ZFR: variants seen among roughly 807,000 people sequenced by gnomAD.
ZFR encodes the protein zinc finger RNA-binding protein.
In ZFR, 19 loss-of-function variants were observed where a neutral mutation model predicts 130.7. The ratio of observed to expected loss-of-function variants is 0.15; its 90% CI spans 0.10 to 0.21. ZFR has a LOEUF of 0.21. Among genes scored for constraint, ZFR ranks in the 10% least tolerant of loss-of-function variants. ZFR has a pLI of 1.00. For synonymous variants in ZFR, 466 were observed against 456.9 expected, an observed-to-expected ratio of 1.02 and a Z score of -0.25; for missense variants, 872 against 1,321.5, an observed-to-expected ratio of 0.66 and a Z score of 5.27.
chr5:32,425,209 G>A (rs562580551), intron 2 of ZFR, among the ~76,000 whole-genome samples: 98 of 152,324 alleles, frequency 6.4e-4, no homozygotes, highest in African/African-American at 2.3e-3. Flanking sequence ...ATGCTTTAAA[G>A]GTCTCTGGGG....
chr5:32,379,029 CTGATAATTACA>C (rs1325558614), intron 17 of ZFR, 75 bp downstream of exon 17: 1 of 987,672 alleles, frequency 1.0e-6, no homozygotes, highest in Non-Finnish European at 1.5e-6. Flanking sequence ...GCAAATAAGG[CTGATAATTACA>C]TGTAAACTGA....
intron 19 of ZFR, among the ~76,000 whole-genome samples, chr5:32,363,656 C>A (rs1354652354): frequency 6.6e-6 from 1 of 152,158 alleles, no homozygotes; most frequent in Non-Finnish European, 1.5e-5. Context: ...GATCTTGATA[C>A]ATAACCTATT....
At chr5:32,401,598 A>C (rs777466390) in intron 8 of ZFR, among the ~76,000 whole-genome samples, 4 of 152,234 alleles carry the variant, frequency 2.6e-5, no homozygotes, top group Non-Finnish European at 5.9e-5. Context: ...CACAGGTAGC[A>C]TGGATGAGTT....
intron 19 of ZFR, among the ~76,000 whole-genome samples, chr5:32,361,378 C>T (rs570106507): frequency 6.6e-6 from 1 of 152,286 alleles, no homozygotes; most frequent in Admixed American, 6.5e-5. Context: ...TTTGCCAGTA[C>T]CGTTTCTCTA....
At chr5:32,415,532 G>GCGCGCA (rs1561908653) in intron 4 of ZFR, among the ~76,000 whole-genome samples, 5 of 150,788 alleles carry the variant, frequency 3.3e-5, no homozygotes, top group Non-Finnish European at 5.9e-5. Flanking sequence ...GCGCGCGCGC[G>GCGCGCA]CACTAGTCAG....
chr5:32,375,667 G>A (rs367583502), intron 17 of ZFR, among the ~76,000 whole-genome samples: 7 of 151,658 alleles, frequency 4.6e-5, no homozygotes, highest in Non-Finnish European at 7.4e-5. Context: ...CCACCATGCC[G>A]GGCTAATTTT....
rs201345321 is a variant in ZFR, at chr5:32,372,834, C to CA, written c.2835+6280dup. 7.9e-3 allele frequency among the ~76,000 whole-genome samples: 1,194 copies of CA among 151,054 alleles called. 17 individuals carry two copies. Among genetic ancestry groups the CA allele is most frequent in the African/African-American group, 0.027 (1,126 of 41,092 alleles). On this transcript the variant is annotated intron_variant, in intron 17 of 19. Coordinates refer to ENST00000265069, the MANE Select transcript of ZFR (RefSeq NM_016107.5). Reference sequence around the variant, plus strand: ...TGGGCGACACAGCAAGACTTGGTCTCAAAAAAACAAACAAAACAAACAAAA... The same window carrying CA: ...TGGGCGACACAGCAAGACTTGGTCTCAAAAAAAACAAACAAAACAAACAAAA...
intron 5 of ZFR, among the ~76,000 whole-genome samples, chr5:32,407,325 T>C (rs1186834838): frequency 6.6e-6 from 1 of 151,516 alleles, no homozygotes; most frequent in Non-Finnish European, 1.5e-5. Context: ...CAAACTTGTC[T>C]GTTTATAGAA....
At chr5:32,380,037 A>G in intron 16 of ZFR, 38 bp downstream of exon 16, 1 of 1,568,110 alleles carries the variant, frequency 6.4e-7, no homozygotes, top group South Asian at 1.1e-5. Flanking sequence ...TACTTCTCTC[A>G]TAAGGCTACA....
chr5:32,363,498 T>C (rs1244579374), intron 19 of ZFR, among the ~76,000 whole-genome samples: 2 of 152,178 alleles, frequency 1.3e-5, no homozygotes, highest in Admixed American at 1.3e-4. Context: ...GCAGAGTTGG[T>C]AGTCAAATCC....
Position 32,403,306 on chromosome 5 carries a change from G to A in ZFR, c.1316C>T (p.Ala439Val), listed in dbSNP as rs1753510081. ...TGAAGGAGAGGCAGTCGGCTTTGAA[G>A]CAGATACAGCTGTTGAAGAAGTAGC... ...SQATSSTAVS[A>V]SKPTASPSSI... Residue 439 changes from alanine to valine, a missense_variant, in exon 8 of 20, where the codon GCT becomes GTT. Physicochemically the swap from Ala to Val is moderately conservative, Grantham distance 64 (BLOSUM62 0). Coordinates refer to ENST00000265069, the MANE Select transcript of ZFR (RefSeq NM_016107.5). 3 of 1,614,118 alleles carry A rather than the reference G, an allele frequency of 1.9e-6. No homozygotes were observed. The highest frequency in any genetic ancestry group is 3.3e-5 in the Admixed American group (2 of 60,014).
Position 32,364,210 on chromosome 5 carries a change from T to C in ZFR, c.2901A>G (p.Ala967=), listed in dbSNP as rs977691424. 3 of 1,612,958 alleles carry C rather than the reference T, an allele frequency of 1.9e-6. No individual in the cohort carries two copies. In the African/African-American group the frequency reaches 4.0e-5, roughly 22 times the overall value. The change falls in exon 18 of 20, where the codon GCA becomes GCG. Residue 967 remains alanine (A), a synonymous_variant. Transcript: ENST00000265069. ...SASSPQSPGD[A]LRRVFECISS... ...AAATGCATTCAAAAACTCTTCTCAG[T>C]GCATCCCCAGGGCTCTGAGGGCTAG...
chr5:32,396,850 T>C (rs140619204), intron 10 of ZFR, among the ~76,000 whole-genome samples: 8 of 152,298 alleles, frequency 5.3e-5, no homozygotes, highest in African/African-American at 9.6e-5. Context: ...TTCCAACATA[T>C]CAACTCATCT....
intron 17 of ZFR, among the ~76,000 whole-genome samples, chr5:32,373,834 A>T (rs1443277092): frequency 6.6e-6 from 1 of 152,222 alleles, no homozygotes; most frequent in Non-Finnish European, 1.5e-5. Context: ...AAGATCAGCC[A>T]GCAGCTTTTT....
At chr5:32,367,587 T>A (rs1752575684) in intron 17 of ZFR, among the ~76,000 whole-genome samples, 1 of 152,130 alleles carries the variant, frequency 6.6e-6, no homozygotes, top group Non-Finnish European at 1.5e-5. Flanking sequence ...GGCTAATTTT[T>A]ATTTTTAGTA....
chr5:32,412,588 T>C (rs1409262576), intron 5 of ZFR, among the ~76,000 whole-genome samples: 2 of 152,262 alleles, frequency 1.3e-5, no homozygotes, highest in Non-Finnish European at 2.9e-5. Flanking sequence ...TGGACAAATT[T>C]ATGTATTAGA....
At chr5:32,431,426 C>G (rs1333870223) in intron 2 of ZFR, among the ~76,000 whole-genome samples, 1 of 152,140 alleles carries the variant, frequency 6.6e-6, no homozygotes, top group Non-Finnish European at 1.5e-5. Flanking sequence ...AGAGGAACCA[C>G]TACCAGGTGG....
intron 19 of ZFR, among the ~76,000 whole-genome samples, chr5:32,358,406 A>AT (rs1752359118): frequency 6.6e-6 from 1 of 152,164 alleles, no homozygotes; most frequent in Non-Finnish European, 1.5e-5. Flanking sequence ...CAAGCCTGTA[A>AT]TCCTAGCACT....
rs1441100877 is a variant in ZFR, at chr5:32,354,785, A to T, written c.*975T>A. ...CACACCAATAAGGAACTGTCACCAT[A>T]ATTAAGGGCTAGTTACTGTTGTTAG... On this transcript the variant is annotated 3_prime_UTR_variant, in exon 20 of 20. Coordinates refer to ENST00000265069, the MANE Select transcript of ZFR (RefSeq NM_016107.5). 3.3e-5 allele frequency: 5 copies of T among 152,588 alleles called. No individual in the cohort carries two copies. The highest frequency in any genetic ancestry group is 3.3e-4 in the Admixed American group (5 of 15,276). The allele number at this position is 152,588 out of a possible 1,614,324, so 9.5% of individuals were successfully genotyped here.
Sources: gnomAD v4.1 joint callset for allele counts (sites outside exome capture counted in the v4.1 genomes callset) on GRCh38, gnomAD v4.1.1 for gene constraint, MANE v1.5 for transcripts, NCBI Gene and HGNC (gene_info 2026-07-23, HGNC 2026-07-21) for gene names.